Variants in GSS observed in about 807,000 individuals in gnomAD.
GSS encodes the protein GSH synthetase.
In GSS, 34 loss-of-function variants were observed where a neutral mutation model predicts 60.4. The observed-to-expected ratio is 0.56, with a 90% CI of 0.43 to 0.75. The LOEUF is 0.75. GSS is among the 30% of genes least tolerant of loss of function. GSS has a pLI of 0.00. For synonymous variants in GSS, 224 were observed against 239.0 expected (o/e 0.94, Z 0.58); for missense variants, 499 against 595.1 (o/e 0.84, Z 1.68).
At chr20:34,934,423 T>C (rs979423443) in intron 9 of GSS, among the ~76,000 whole-genome samples, 1 of 151,436 alleles carries the variant, frequency 6.6e-6, no homozygotes, top group Non-Finnish European at 1.5e-5. Flanking sequence ...ATTACAGGGG[T>C]ATGCCACCAC....
chr20:34,944,024 T>C (rs1188242447), intron 3 of GSS, among the ~76,000 whole-genome samples: 1 of 152,088 alleles, frequency 6.6e-6, no homozygotes, highest in Non-Finnish European at 1.5e-5. Flanking sequence ...AGCAGACCAG[T>C]GGGGGGAAGC....
Position 34,945,924 on chromosome 20 carries a change from T to G in GSS, c.275+29A>C, listed in dbSNP as rs2081517630. The stretch of plus-strand genomic sequence containing the variant: ...CCAGTTCCTTGGCTCTGGCAGCTCC[T>G]GGCCCCCCAATGCTTCACTGTCCCC... On this transcript the variant is annotated intron_variant, in intron 3 of 12. Coordinates refer to ENST00000651619, the MANE Select transcript of GSS (RefSeq NM_000178.4). 3.1e-6 allele frequency: 5 copies of G among 1,612,678 alleles called. No individual in the cohort carries two copies. In the South Asian group the frequency reaches 5.5e-5, roughly 18 times the overall value.
intron 6 of GSS, among the ~76,000 whole-genome samples, chr20:34,939,312 C>T (rs2081465501): frequency 6.6e-6 from 1 of 152,162 alleles, no homozygotes; most frequent in East Asian, 1.9e-4. Context: ...GTCCCCTTTT[C>T]TTATTCTACT....
At chr20:34,953,716 T>C (rs1053483982) in intron 1 of GSS, among the ~76,000 whole-genome samples, 8 of 151,522 alleles carry the variant, frequency 5.3e-5, no homozygotes, top group South Asian at 2.1e-4. Context: ...CCTGGGTTCA[T>C]GCCATTCTCC....
intron 9 of GSS, among the ~76,000 whole-genome samples, chr20:34,933,227 T>C (rs751238433): frequency 3.9e-5 from 6 of 152,180 alleles, no homozygotes; most frequent in African/African-American, 1.4e-4. Flanking sequence ...ATTTTCCTCA[T>C]TTTCTGTTGT....
chr20:34,946,626 C>G (rs2081525343), intron 2 of GSS: 1 of 152,660 alleles, frequency 6.6e-6, no homozygotes, highest in Non-Finnish European at 1.5e-5. Flanking sequence ...CACATACATA[C>G]ATGGAAGCCT....
chr20:34,953,581 T>C (rs2081585366), intron 1 of GSS, among the ~76,000 whole-genome samples: 1 of 151,134 alleles, frequency 6.6e-6, no homozygotes. Flanking sequence ...TCCTTCCTTC[T>C]TTTTCTTTCT....
chr20:34,929,561 G>C lies in GSS; in HGVS notation c.1141C>G (p.Gln381Glu), dbSNP rs1178592731. 2.5e-6 allele frequency: 4 copies of C among 1,613,996 alleles called. No individual in the cohort carries two copies. In the Admixed American group the frequency reaches 6.7e-5, roughly 27 times the overall value. ...CTGTCCTTCAGCTGTTTCAGGGCCT[G>C]TACCATTTCCTCCCCATATAGGTTG... ...GNNLYGEEMV[Q>E]ALKQLKDSEE... is the part of the protein sequence containing the mutation. The change falls in exon 12 of 13, where the codon CAG (glutamine) becomes GAG (glutamate). Residue 381 changes from glutamine to glutamate, a missense_variant. Coordinates refer to ENST00000651619, the MANE Select transcript of GSS (RefSeq NM_000178.4).
chr20:34,942,732 A>G, intron 4 of GSS, 105 bp from the exon 5 acceptor site: 1 of 1,156,880 alleles, frequency 8.6e-7, no homozygotes, highest in Non-Finnish European at 1.3e-6. Context: ...GATTAGAGGT[A>G]CCAGCAAACA....
rs992182188 is a variant in GSS at position 34,930,624 on chromosome 20, A to G, written c.1111+712T>C. 3.0e-4 allele frequency among the ~76,000 whole-genome samples: 46 copies of G among 152,132 alleles called. 1 individual carries two copies. The highest frequency in any genetic ancestry group is 1.1e-3 in the African/African-American group (46 of 41,408). On this transcript the variant is annotated intron_variant, in intron 11 of 12. Transcript: ENST00000651619. ...TCCAGGACATCTTCTACAATGCAGA[A>G]ACTGTAAGTTTTGCAAGTTCCCACC... is the stretch of plus-strand genomic sequence containing the variant.
At position 34,946,124 on chromosome 20, in the gene GSS, C is replaced by CAG. The variant is rs1569015923; in HGVS notation, c.130-28_130-27dup. On this transcript the variant is annotated intron_variant, in intron 2 of 12. Transcript: ENST00000651619. ...CTGTGATCAAGAAGAGAGAATGGGA[C>CAG]AGGGGTAGGGCACCTGTGAACGGGT... 2.5e-6 allele frequency: 4 copies of CAG among 1,597,566 alleles called. No individual in the cohort carries two copies. In the South Asian group the frequency reaches 4.4e-5, roughly 18 times the overall value.
chr20:34,942,596 T>C lies in GSS; in HGVS notation c.383A>G (p.Tyr128Cys), dbSNP rs762533768. 10 of 1,613,954 alleles carry C rather than the reference T, an allele frequency of 6.2e-6. No individual in the cohort carries two copies. Among genetic ancestry groups the C allele is most frequent in the East Asian group, 2.2e-5 (1 of 44,862 alleles). The change falls in exon 5 of 13, where the codon TAC becomes TGC. Residue 128 changes from tyrosine (Y) to cysteine (C), a missense_variant. Coordinates refer to ENST00000651619, the MANE Select transcript of GSS (RefSeq NM_000178.4). The stretch of plus-strand genomic sequence containing the variant: ...GCCATCTGCGCTGCGCTGGAACATG[T>C]AGTCTGAGCGATTCAGGCCCAGGAA... ...TVFLGLNRSD[Y>C]MFQRSADGSP...
chr20:34,932,175 C>T (rs1183424680), intron 9 of GSS, 42 bp from the exon 10 acceptor site: 2 of 1,498,250 alleles, frequency 1.3e-6, no homozygotes, highest in East Asian at 2.3e-5. Context: ...CTTTATTTTA[C>T]TTCAGCTGAC....
intron 11 of GSS, 151 bp downstream of exon 11, chr20:34,931,185 T>C (rs987980183): frequency 2.7e-6 from 2 of 729,740 alleles, no homozygotes; most frequent in Non-Finnish European, 5.0e-6. Flanking sequence ...GGTCACAGGG[T>C]CTTAGGGGAC....
At chr20:34,935,438 G>T in intron 9 of GSS, 138 bp downstream of exon 9, 1 of 730,394 alleles carries the variant, frequency 1.4e-6, no homozygotes, top group Admixed American at 1.9e-5. Context: ...GAGGATAGGA[G>T]GTTCTAGCAG....
intron 12 of GSS, chr20:34,929,166 C>T (rs758505087): frequency 2.5e-5 from 18 of 707,088 alleles, no homozygotes; most frequent in Admixed American, 4.5e-5. Context: ...GTTTCCTTCA[C>T]GGTTGCAAAG....
intron 2 of GSS, 150 bp downstream of exon 2, chr20:34,951,574 T>C (rs1033314456): frequency 9.0e-6 from 8 of 885,452 alleles, no homozygotes; most frequent in African/African-American, 6.8e-5. Context: ...ACACTGCCTT[T>C]TTATTTTCTA....
chr20:34,935,459 G>A, intron 9 of GSS, 117 bp downstream of exon 9: 1 of 776,726 alleles, frequency 1.3e-6, no homozygotes, highest in Non-Finnish European at 2.4e-6. Context: ...CAAGCTCCCT[G>A]AGAAAGAAGT....
chr20:34,940,863 G>C (rs929747960), intron 6 of GSS, among the ~76,000 whole-genome samples: 1 of 152,142 alleles, frequency 6.6e-6, no homozygotes, highest in East Asian at 1.9e-4. Context: ...CGTAGTCAAA[G>C]CTTATGCATT....
Sources: gnomAD v4.1 joint callset for allele counts (sites outside exome capture counted in the v4.1 genomes callset) on GRCh38, gnomAD v4.1.1 for gene constraint, MANE v1.5 for transcripts, NCBI Gene and HGNC (gene_info 2026-07-23, HGNC 2026-07-21) for gene names.